The following KLRG1 variants were observed in gnomAD, a reference collection of about 807,000 sequenced individuals.
The protein encoded by KLRG1 is killer cell lectin-like receptor subfamily G member 1.
In KLRG1, 16 loss-of-function variants were observed where a neutral mutation model predicts 21.8. The ratio of observed to expected loss-of-function variants is 0.73; its 90% CI spans 0.50 to 1.11. The LOEUF is 1.11. Ranked by LOEUF, KLRG1 falls within the 50% of genes most tolerant of loss-of-function variation. The probability of loss-of-function intolerance (pLI) is 0.00; values close to 1 mark genes in which losing one functional copy is unlikely to be tolerated. For missense variants in KLRG1, 173 were observed against 218.3 expected, an observed-to-expected ratio of 0.79 and a Z score of 1.31; for synonymous variants, 69 against 75.9, an observed-to-expected ratio of 0.91 and a Z score of 0.47.
chr12:9,115,114 T>C, the KLRG1 span: 2 of 63,928 alleles, frequency 3.1e-5, no homozygotes, highest in Non-Finnish European at 6.9e-5. Context: ...AATTGCATCA[T>C]TGTTACCACT....
At chr12:9,000,136 C>T (rs1947262268) in intron 3 of KLRG1, among the ~76,000 whole-genome samples, 1 of 152,168 alleles carries the variant, frequency 6.6e-6, no homozygotes, top group Non-Finnish European at 1.5e-5. Context: ...GTAAAATATG[C>T]ATCACAGAGT....
At chr12:9,191,959 T>A in the KLRG1 span, among the ~76,000 whole-genome samples, 4 of 152,192 alleles carry the variant, frequency 2.6e-5, no homozygotes, top group African/African-American at 9.6e-5. Context: ...AGAAACAAAC[T>A]AAAGTGAAAA....
the KLRG1 span, chr12:9,074,820 A>G: frequency 6.5e-7 from 1 of 1,545,964 alleles, no homozygotes; most frequent in Non-Finnish European, 8.7e-7. Flanking sequence ...AAGTGCCTAC[A>G]TATTTATATT....
At chr12:9,074,800 A>T in the KLRG1 span, 6 of 1,587,372 alleles carry the variant, frequency 3.8e-6, no homozygotes, top group Non-Finnish European at 5.1e-6. Flanking sequence ...GATGAGAAAA[A>T]GATATTTATA....
At chr12:9,093,357 T>C in the KLRG1 span, 1 of 722,354 alleles carries the variant, frequency 1.4e-6, no homozygotes, top group Non-Finnish European at 2.4e-6. Context: ...AAACATCATG[T>C]TGTACATCAT....
chr12:9,008,254 G>A (rs947013228), intron 3 of KLRG1, among the ~76,000 whole-genome samples: 1 of 152,182 alleles, frequency 6.6e-6, no homozygotes, highest in Non-Finnish European at 1.5e-5. Flanking sequence ...TGCAGCAAAT[G>A]TTTAGCTTCT....
chr12:8,988,977 T>C (rs1001279416), upstream of KLRG1, among the ~76,000 whole-genome samples: 1 of 152,120 alleles, frequency 6.6e-6, no homozygotes, highest in African/African-American at 2.4e-5. Flanking sequence ...TAGTTATCTT[T>C]GCATGAAGTA....
At chr12:9,188,786 G>A in the KLRG1 span, among the ~76,000 whole-genome samples, 1 of 152,100 alleles carries the variant, frequency 6.6e-6, no homozygotes, top group African/African-American at 2.4e-5. Flanking sequence ...AATTGTCACA[G>A]AAAGAATAAA....
the KLRG1 span, chr12:9,093,491 T>C: frequency 1.9e-6 from 3 of 1,613,932 alleles, no homozygotes; most frequent in Non-Finnish European, 2.5e-6. Context: ...CCCAGATCCA[T>C]GTCTCAGGGA....
At chr12:9,095,512 A>G in the KLRG1 span, 19 of 1,597,680 alleles carry the variant, frequency 1.2e-5, no homozygotes, top group East Asian at 3.8e-4. Flanking sequence ...GCTTAAGATC[A>G]GACCATCTGC....
At chr12:9,080,287 G>A in the KLRG1 span, 6 of 596,020 alleles carry the variant, frequency 1.0e-5, no homozygotes, top group African/African-American at 1.2e-4. Context: ...AACTCCTCCT[G>A]AAAAGTTGTC....
Position 9,009,687 on chromosome 12 carries a change from G to T in KLRG1, c.*150G>T. 2.8e-6 allele frequency: 4 copies of T among 1,432,594 alleles called. No individual in the cohort carries two copies. Among genetic ancestry groups the T allele is most frequent in the Non-Finnish European group, 3.6e-6 (4 of 1,097,640 alleles). 88.7% of individuals were successfully genotyped at this position (1,432,594 alleles called of 1,614,324 possible). ...CATTAGATGCAAGACAACCTCCTAG[G>T]GATTGATGCCTAACTGATGGATTCT... On this transcript the variant is annotated 3_prime_UTR_variant, in exon 5 of 5. Coordinates refer to ENST00000356986, the MANE Select transcript of KLRG1 (RefSeq NM_005810.4).
At chr12:8,985,444 G>A (rs970823613), upstream of KLRG1, among the ~76,000 whole-genome samples, 40 of 152,016 alleles carry the variant, frequency 2.6e-4, 1 homozygote, top group African/African-American at 9.4e-4. Flanking sequence ...ATTCAATTCC[G>A]ACATTATCTA....
At chr12:9,041,695 A>C in the KLRG1 span, among the ~76,000 whole-genome samples, 1 of 152,186 alleles carries the variant, frequency 6.6e-6, no homozygotes, top group East Asian at 1.9e-4. Flanking sequence ...ACCTAAGTCT[A>C]TTTGGAGAGT....
chr12:9,175,853 G>A, the KLRG1 span, among the ~76,000 whole-genome samples: 2 of 152,156 alleles, frequency 1.3e-5, no homozygotes, highest in Admixed American at 1.3e-4. Flanking sequence ...TTTTTTTACT[G>A]TTGTGGGGAG....
chr12:9,026,938 C>G, the KLRG1 span, among the ~76,000 whole-genome samples: 1 of 151,870 alleles, frequency 6.6e-6, no homozygotes. Context: ...TCACTGTAGC[C>G]TCGACCTCTT....
chr12:9,089,592 C>G, the KLRG1 span, among the ~76,000 whole-genome samples: 1 of 151,750 alleles, frequency 6.6e-6, no homozygotes, highest in East Asian at 1.9e-4. Flanking sequence ...AATACAAAAA[C>G]TAGCTGGGCG....
At chr12:9,158,332 C>G in the KLRG1 span, 1 of 1,522,316 alleles carries the variant, frequency 6.6e-7, no homozygotes, top group Non-Finnish European at 9.0e-7. Context: ...TTCATCTTTG[C>G]AATTTCCTTG....
At position 8,999,974 on chromosome 12, in the gene KLRG1, T is replaced by A. The variant is rs2268020; in HGVS notation, c.357+4686T>A. Among the ~76,000 whole-genome samples the A allele has an allele frequency of 5.9e-5, 9 of 151,968 alleles. 1 individual carries two copies. The highest frequency in any genetic ancestry group is 5.8e-4 in the East Asian group (3 of 5,158). ...CACTTGAGCCCCGGAGGCAGAGGTCTCAGTGAGCCGAGATCAGGCCACTGC... is the reference window on the plus strand; with the variant it reads ...CACTTGAGCCCCGGAGGCAGAGGTCACAGTGAGCCGAGATCAGGCCACTGC... On this transcript the variant is annotated intron_variant, in intron 3 of 4. Transcript: ENST00000356986.
Sources: gnomAD v4.1 joint callset for allele counts (sites outside exome capture counted in the v4.1 genomes callset) on GRCh38, gnomAD v4.1.1 for gene constraint, MANE v1.5 for transcripts, NCBI Gene and HGNC (gene_info 2026-07-23, HGNC 2026-07-21) for gene names.